PRKG1: variants seen among roughly 807,000 people sequenced by gnomAD.
The protein encoded by PRKG1 is protein kinase cGMP-dependent 1, also known as cGMP-dependent protein kinase 1.
A neutral mutation model predicts 88.1 loss-of-function variants in PRKG1; 35 were observed. The ratio of observed to expected loss-of-function variants is 0.40; its 90% CI spans 0.30 to 0.53. PRKG1 has a LOEUF of 0.53. Ranked by LOEUF, PRKG1 falls within the 20% of genes least tolerant of loss-of-function variation. PRKG1 has a pLI of 0.59. For synonymous variants in PRKG1, 303 were observed against 292.5 expected (o/e 1.04, Z -0.37); for missense variants, 540 against 839.8 (o/e 0.64, Z 4.41).
intron 3 of PRKG1, among the ~76,000 whole-genome samples, chr10:51,476,343 TC>T (rs372008850): frequency 2.2e-3 from 334 of 152,152 alleles, no homozygotes; most frequent in African/African-American, 7.7e-3. Context: ...AATATTGACT[TC>T]TCAGAAGGCA....
chr10:52,244,541 C>CA (rs1840954603), intron 9 of PRKG1, among the ~76,000 whole-genome samples: 1 of 151,162 alleles, frequency 6.6e-6, no homozygotes, highest in Admixed American at 6.6e-5. Context: ...TGCAATGAGG[C>CA]AACAGTCCCT....
At chr10:51,253,699 T>G (rs1839482712) in intron 2 of PRKG1, among the ~76,000 whole-genome samples, 1 of 151,872 alleles carries the variant, frequency 6.6e-6, no homozygotes, top group Non-Finnish European at 1.5e-5. Context: ...AACCATTGCT[T>G]CGACTTAGTA....
intron 17 of PRKG1, among the ~76,000 whole-genome samples, chr10:52,293,288 C>T (rs938648542): frequency 9.9e-5 from 15 of 151,724 alleles, no homozygotes; most frequent in Non-Finnish European, 1.5e-4. Flanking sequence ...AAGAACATTC[C>T]ATGCTCATGG....
intron 3 of PRKG1, among the ~76,000 whole-genome samples, chr10:51,766,416 G>A (rs1483169527): frequency 6.6e-6 from 1 of 152,092 alleles, no homozygotes; most frequent in Non-Finnish European, 1.5e-5. Flanking sequence ...GCATGTCTGG[G>A]AAAGTCTCCT....
intron 4 of PRKG1, among the ~76,000 whole-genome samples, chr10:51,873,050 T>C (rs1564686995): frequency 6.6e-6 from 1 of 152,150 alleles, no homozygotes. Flanking sequence ...AAACACTGGC[T>C]AACTGGAATT....
At chr10:51,353,047 A>T (rs2132569432) in intron 2 of PRKG1, among the ~76,000 whole-genome samples, 1 of 152,300 alleles carries the variant, frequency 6.6e-6, no homozygotes, top group South Asian at 2.1e-4. Context: ...CATTGGGGAA[A>T]AGACAGTCTT....
At chr10:51,245,532 A>G (rs1839267154) in intron 2 of PRKG1, 1 of 152,154 alleles carries the variant, frequency 6.6e-6, no homozygotes, top group African/African-American at 2.4e-5. Context: ...TGTCAATTCA[A>G]TACTTCTCTT....
At chr10:51,981,206 T>A (rs956948157) in intron 5 of PRKG1, among the ~76,000 whole-genome samples, 2 of 152,180 alleles carry the variant, frequency 1.3e-5, no homozygotes, top group Non-Finnish European at 2.9e-5. Flanking sequence ...AGCATTCACT[T>A]GTCTGAAAAG....
intron 1 of PRKG1, among the ~76,000 whole-genome samples, chr10:51,097,402 T>C (rs1343550625): frequency 6.6e-6 from 1 of 152,100 alleles, no homozygotes; most frequent in Non-Finnish European, 1.5e-5. Flanking sequence ...TTTGTCTTTG[T>C]AGTAGAGACG....
chr10:51,028,478 T>C (rs1843238545), intron 1 of PRKG1, among the ~76,000 whole-genome samples: 1 of 152,038 alleles, frequency 6.6e-6, no homozygotes, highest in East Asian at 1.9e-4. Context: ...CCTAGTGCTC[T>C]AGAAAAGAAT....
At position 51,850,644 on chromosome 10, in the gene PRKG1, A is replaced by G. The variant is rs1184990024; in HGVS notation, c.698+45954A>G. 2.0e-5 allele frequency among the ~76,000 whole-genome samples: 3 copies of G among 152,304 alleles called. No individual in the cohort carries two copies. The East Asian group carries it at 5.8e-4, about 29-fold the overall frequency. On this transcript the variant is annotated intron_variant, in intron 4 of 17. Transcript: ENST00000373980. ...TAATATGTAAAGAGTTTCTTGAAAT[A>G]AAGAAAACATACCTACAGCCTAACA...
intron 5 of PRKG1, among the ~76,000 whole-genome samples, chr10:51,985,897 G>T (rs1416521112): frequency 6.6e-6 from 1 of 152,146 alleles, no homozygotes; most frequent in Non-Finnish European, 1.5e-5. Flanking sequence ...AGTCAAAAAT[G>T]CATTTAATAC....
chr10:51,743,699 TA>T (rs1264519380), intron 3 of PRKG1, among the ~76,000 whole-genome samples: 2 of 122,042 alleles, frequency 1.6e-5, no homozygotes, highest in South Asian at 4.7e-4. Context: ...ATTATATATA[TA>T]ATATAAACTA....
At chr10:51,569,812 G>T (rs34253121) in intron 3 of PRKG1, among the ~76,000 whole-genome samples, 48,537 of 151,768 alleles carry the variant, frequency 0.32, 9,004 homozygotes, top group Non-Finnish European at 0.43. Context: ...CCCTGATGAG[G>T]CTGTTGTATT....
chr10:51,348,019 T>C (rs887391303), intron 2 of PRKG1, among the ~76,000 whole-genome samples: 12 of 151,988 alleles, frequency 7.9e-5, no homozygotes, highest in East Asian at 1.9e-4. Flanking sequence ...GCCGAGATCA[T>C]GCCACTGCAC....
intron 10 of PRKG1, among the ~76,000 whole-genome samples, chr10:52,266,311 A>C (rs1841568596): frequency 6.6e-6 from 1 of 151,836 alleles, no homozygotes; most frequent in Non-Finnish European, 1.5e-5. Flanking sequence ...CTATCAACCC[A>C]TCGCCTGGTA....
At chr10:52,064,263 G>A (rs1265401715) in intron 7 of PRKG1, among the ~76,000 whole-genome samples, 1 of 152,204 alleles carries the variant, frequency 6.6e-6, no homozygotes, top group Non-Finnish European at 1.5e-5. Flanking sequence ...GAGTTGTCAG[G>A]GGACTGGCAT....
At chr10:52,094,835 T>C (rs1318772258) in intron 7 of PRKG1, among the ~76,000 whole-genome samples, 1 of 152,166 alleles carries the variant, frequency 6.6e-6, no homozygotes, top group Non-Finnish European at 1.5e-5. Flanking sequence ...TAGAGCTAAA[T>C]ACCTCCCAAG....
At chr10:51,932,883 T>C (rs1842724273) in intron 5 of PRKG1, among the ~76,000 whole-genome samples, 1 of 151,896 alleles carries the variant, frequency 6.6e-6, no homozygotes, top group Admixed American at 6.6e-5. Flanking sequence ...TATCTCAGAG[T>C]CAGAGAAAAA....
Sources: allele counts gnomAD v4.1 joint callset (sites outside exome capture counted in the v4.1 genomes callset), GRCh38; gene constraint gnomAD v4.1.1; transcripts MANE v1.5; gene names NCBI Gene and HGNC (gene_info 2026-07-23, HGNC 2026-07-21).